Variants in MMUT observed in about 807,000 individuals in gnomAD.
MMUT encodes methylmalonyl-CoA mutase.
MMUT carries 79 observed loss-of-function variants against 79.9 expected under a neutral mutation model. That is an observed-to-expected ratio of 0.99 (90% CI 0.82 to 1.19). The LOEUF (loss-of-function observed/expected upper bound fraction) is 1.19, where lower values mean the gene tolerates loss of function less well. Among genes scored for constraint, MMUT ranks in the 50% most tolerant of loss-of-function variants. The pLI is 0.00. For synonymous variants in MMUT, 273 were observed against 295.7 expected, an observed-to-expected ratio of 0.92 and a Z score of 0.79; for missense variants, 860 against 917.2, an observed-to-expected ratio of 0.94 and a Z score of 0.81.
At position 49,457,992 on chromosome 6, in the gene MMUT, G is replaced by A. The variant is rs1425614632; in HGVS notation, c.452C>T (p.Pro151Leu). 6.2e-6 allele frequency: 10 copies of A among 1,606,302 alleles called. No homozygotes were observed. The highest frequency in any genetic ancestry group is 7.6e-6 in the Non-Finnish European group (9 of 1,179,932). Residue 151 changes from proline to leucine, a missense_variant, in exon 3 of 13, where the codon CCT (proline) becomes CTT (leucine). By Grantham distance (98) the Pro-to-Leu change is moderately conservative. Coordinates refer to ENST00000274813, the MANE Select transcript of MMUT (RefSeq NM_000255.4). ...ATHRGYDSDN[P>L]RVRGDVGMAG... is the part of the protein sequence containing the mutation. ...CATTCCAACATCACCACGAACTCGA[G>A]GGTTGTCTGAATCATAGCCACGATG... is the stretch of plus-strand genomic sequence containing the variant.
Position 49,463,190 on chromosome 6 carries a change from G to A in MMUT, c.-127C>T, listed in dbSNP as rs538802256. On this transcript the variant is annotated 5_prime_UTR_variant, in exon 1 of 13. Transcript: ENST00000274813. ...CACCTGTCAGACATCCACACAGCCA[G>A]GCCTCCCCGCCCTCACCAAGCCCAC... 4 of 152,548 alleles carry A rather than the reference G, an allele frequency of 2.6e-5. No homozygotes were observed. Among genetic ancestry groups the A allele is most frequent in the East Asian group, 1.9e-4 (1 of 5,186 alleles). 9.4% of individuals were successfully genotyped at this position (152,548 alleles called of 1,614,324 possible). A position where few individuals can be genotyped will look rare whatever the true frequency, so the allele number is the denominator to read the frequency against.
chr6:49,443,886 G>A, intron 9 of MMUT: 1 of 379,840 alleles, frequency 2.6e-6, no homozygotes, highest in South Asian at 1.9e-5. Flanking sequence ...ACAAAAGTTA[G>A]GAGACAAAGG....
intron 4 of MMUT, 140 bp from the exon 5 acceptor site, chr6:49,453,896 A>C: frequency 1.5e-6 from 1 of 663,182 alleles, no homozygotes; most frequent in Non-Finnish European, 2.5e-6. Context: ...AGATCAGTGC[A>C]CGTACATTTA....
intron 8 of MMUT, among the ~76,000 whole-genome samples, chr6:49,446,639 CAAGAA>C (rs1767416491): frequency 1.3e-5 from 2 of 151,648 alleles, no homozygotes; most frequent in Non-Finnish European, 3.0e-5. Flanking sequence ...AACAACAATT[CAAGAA>C]AAGGATTTAG....
rs1306416550 is a variant in MMUT, at chr6:49,456,288, TC to T, written c.754-52del. ...GTGAATAAGTAAAAATATTAAAAGGTCCTATTAAATCCACTTTCTAAGCATA... is the reference window on the plus strand; with the variant it reads ...GTGAATAAGTAAAAATATTAAAAGGTCTATTAAATCCACTTTCTAAGCATA... On this transcript the variant is annotated intron_variant, in intron 3 of 12. Transcript: ENST00000274813. The T allele has an allele frequency of 7.4e-6, 9 of 1,210,380 alleles. No homozygotes were observed. In the African/African-American group the frequency reaches 1.2e-4, roughly 16 times the overall value. The allele number at this position is 1,210,380 out of a possible 1,614,324, so 75.0% of individuals were successfully genotyped here.
intron 10 of MMUT, among the ~76,000 whole-genome samples, chr6:49,440,599 A>G (rs1012507905): frequency 5.3e-5 from 8 of 152,140 alleles, no homozygotes; most frequent in African/African-American, 1.9e-4. Flanking sequence ...TCACCTAGGT[A>G]TTAAGCCCAG....
rs533222258 is a variant in MMUT, at chr6:49,438,320, A to G, written c.1956+1886T>C. Reference sequence around the variant, plus strand: ...GTCTAATATTCTGTGACTAAGTAACATATTAGTAGAGAGTTAAAAAAAGAC... The same window carrying G: ...GTCTAATATTCTGTGACTAAGTAACGTATTAGTAGAGAGTTAAAAAAAGAC... On this transcript the variant is annotated intron_variant, in intron 11 of 12. Coordinates refer to ENST00000274813, the MANE Select transcript of MMUT (RefSeq NM_000255.4). 7.2e-5 allele frequency among the ~76,000 whole-genome samples: 11 copies of G among 152,272 alleles called. 1 individual carries two copies. The East Asian group carries it at 1.2e-3, about 16-fold the overall frequency.
In MMUT at chr6:49,441,958, C is replaced by T; in HGVS notation, c.1690G>A (p.Glu564Lys). The T allele has an allele frequency of 6.2e-7, 1 of 1,610,726 alleles. No individual in the cohort carries two copies. Among genetic ancestry groups the T allele is most frequent in the Non-Finnish European group, 8.5e-7 (1 of 1,177,464 alleles). ...DASRARCTVG[E>K]ITDALKKVFG... is the part of the protein sequence containing the mutation. Reference sequence around the variant, plus strand: ...ACCTTTTTCAGGGCATCTGTGATTTCTCCCACTGTACATCTGAAACATGAA... The same window carrying T: ...ACCTTTTTCAGGGCATCTGTGATTTTTCCCACTGTACATCTGAAACATGAA... The change falls in exon 10 of 13, where the codon GAA becomes AAA. Residue 564 changes from glutamate to lysine, a missense_variant. Coordinates refer to ENST00000274813, the MANE Select transcript of MMUT (RefSeq NM_000255.4).
At chr6:49,446,134 G>A (rs898101243) in intron 8 of MMUT, among the ~76,000 whole-genome samples, 4 of 151,600 alleles carry the variant, frequency 2.6e-5, no homozygotes, top group South Asian at 2.1e-4. Flanking sequence ...TAAAATTCAG[G>A]GAGTGAAAAC....
At chr6:49,461,786 C>A (rs573902958) in intron 1 of MMUT, among the ~76,000 whole-genome samples, 2 of 152,130 alleles carry the variant, frequency 1.3e-5, no homozygotes, top group Admixed American at 6.5e-5. Flanking sequence ...AACAAAAAAA[C>A]CTTCCATTTT....
intron 12 of MMUT, 147 bp from the exon 13 acceptor site, chr6:49,432,003 T>G (rs192177415): frequency 1.2e-6 from 1 of 829,302 alleles, no homozygotes; most frequent in East Asian, 2.7e-5. Context: ...AATTCTTCCT[T>G]GATTGGGAGT....
Position 49,456,243 on chromosome 6 carries a change from T to C in MMUT, c.754-6A>G. 1.5e-6 allele frequency: 2 copies of C among 1,302,090 alleles called. No individual in the cohort carries two copies. The highest frequency in any genetic ancestry group is 2.8e-5 in the South Asian group (2 of 71,196). 80.7% of individuals were successfully genotyped at this position (1,302,090 alleles called of 1,614,324 possible). On this transcript the variant is annotated splice_polypyrimidine_tract_variant and splice_region_variant and intron_variant, in intron 3 of 12. Coordinates refer to ENST00000274813, the MANE Select transcript of MMUT (RefSeq NM_000255.4). The stretch of plus-strand genomic sequence containing the variant: ...GAATTAAATTTTGGCATGTGCTACA[T>C]AAAAAAAAAAATTGTAACAGTGAAT...
At chr6:49,451,324 C>G in intron 6 of MMUT, 142 bp downstream of exon 6, 1 of 963,428 alleles carries the variant, frequency 1.0e-6, no homozygotes, top group Non-Finnish European at 1.4e-6. Flanking sequence ...TTGCAAACAT[C>G]GTTTAAATTA....
At chr6:49,451,743 C>A in intron 5 of MMUT, 29 bp from the exon 6 acceptor site, 2 of 1,606,228 alleles carry the variant, frequency 1.2e-6, no homozygotes, top group South Asian at 2.2e-5. Context: ...AACAAAAACT[C>A]AAAGAAACAG....
At position 49,456,113 on chromosome 6, in the gene MMUT, T is replaced by C. The variant is rs138374956; in HGVS notation, c.878A>G (p.Gln293Arg). The change falls in exon 4 of 13, where the codon CAG (glutamine) becomes CGG (arginine). Residue 293 changes from glutamine (Q) to arginine (R), a missense_variant. Coordinates refer to ENST00000274813, the MANE Select transcript of MMUT (RefSeq NM_000255.4). ...AAATTCATCAATTGTCAGGCCAGCC[T>C]GGAGTCCAGTTCTAGAGTACTCCAA... ...DGLEYSRTGL[Q>R]AGLTIDEFAP... 5.3e-4 allele frequency: 849 copies of C among 1,613,754 alleles called. 2 individuals are homozygous for C. Among genetic ancestry groups the C allele is most frequent in the Non-Finnish European group, 6.5e-4 (767 of 1,179,670 alleles).
intron 1 of MMUT, among the ~76,000 whole-genome samples, chr6:49,461,361 CA>C (rs974151960): frequency 1.3e-5 from 2 of 151,684 alleles, no homozygotes; most frequent in Non-Finnish European, 2.9e-5. Flanking sequence ...CATAGTTTCC[CA>C]AAAAAAGAGA....
chr6:49,438,284 T>A (rs563887608), intron 11 of MMUT, among the ~76,000 whole-genome samples: 2 of 152,250 alleles, frequency 1.3e-5, no homozygotes, highest in Non-Finnish European at 1.5e-5. Context: ...GCAAACTATT[T>A]TCCTGTCTAA....
chr6:49,438,201 A>G (rs955817219), intron 11 of MMUT, among the ~76,000 whole-genome samples: 25 of 152,134 alleles, frequency 1.6e-4, no homozygotes, highest in African/African-American at 6.0e-4. Flanking sequence ...ATATAAAATT[A>G]TTACAATGTA....
intron 5 of MMUT, among the ~76,000 whole-genome samples, chr6:49,453,034 T>A (rs1581831308): frequency 7.2e-6 from 1 of 139,498 alleles, no homozygotes; most frequent in East Asian, 2.2e-4. Flanking sequence ...TTTCTTTCTT[T>A]CTTTGTTTTT....
Sources: gnomAD v4.1 joint callset for allele counts (sites outside exome capture counted in the v4.1 genomes callset) on GRCh38, gnomAD v4.1.1 for gene constraint, MANE v1.5 for transcripts, NCBI Gene and HGNC (gene_info 2026-07-23, HGNC 2026-07-21) for gene names.